The following RSRC1 variants were observed in gnomAD, a reference collection of about 807,000 sequenced individuals.
RSRC1 encodes arginine and serine rich coiled-coil 1.
Under a neutral mutation model 49.1 loss-of-function variants are expected in RSRC1, and 39 were observed. The ratio of observed to expected loss-of-function variants is 0.79; its 90% CI spans 0.61 to 1.04. The LOEUF (loss-of-function observed/expected upper bound fraction) is 1.04, where lower values mean the gene tolerates loss of function less well. Ranked by LOEUF, RSRC1 falls within the 50% of genes least tolerant of loss-of-function variation. The pLI, the probability that RSRC1 is intolerant of heterozygous loss-of-function variation, is 0.00. For missense variants in RSRC1, 388 were observed against 402.4 expected (o/e 0.96, Z 0.31); for synonymous variants, 143 against 130.8 (o/e 1.09, Z -0.63).
At chr3:158,153,960 C>T (rs541437413) in intron 3 of RSRC1, among the ~76,000 whole-genome samples, 1 of 152,108 alleles carries the variant, frequency 6.6e-6, no homozygotes, top group Non-Finnish European at 1.5e-5. Context: ...TATAGCTTTC[C>T]ATTCTTCTTT....
intron 5 of RSRC1, among the ~76,000 whole-genome samples, chr3:158,319,267 C>G (rs1266188744): frequency 6.6e-6 from 1 of 152,062 alleles, no homozygotes; most frequent in Non-Finnish European, 1.5e-5. Context: ...ATCATGAAAT[C>G]GGATAGTTTA....
chr3:158,439,729 G>A (rs1736272116), intron 6 of RSRC1, among the ~76,000 whole-genome samples: 1 of 152,002 alleles, frequency 6.6e-6, no homozygotes, highest in African/African-American at 2.4e-5. Flanking sequence ...TGAGTTGATG[G>A]GTGCAGCAAA....
chr3:158,191,272 T>G (rs1369429306), intron 3 of RSRC1, among the ~76,000 whole-genome samples: 1 of 152,094 alleles, frequency 6.6e-6, no homozygotes, highest in Non-Finnish European at 1.5e-5. Context: ...GTTCAAAATG[T>G]CATCCTGACA....
At position 158,521,017 on chromosome 3, in the gene RSRC1, G is replaced by C. The variant is rs551196900; in HGVS notation, c.653-16075G>C. Among the ~76,000 whole-genome samples, 191 of 152,178 alleles carry C rather than the reference G, an allele frequency of 1.3e-3. 1 individual carries two copies. The highest frequency in any genetic ancestry group is 4.5e-3 in the African/African-American group (185 of 41,526). ...GGTAAACATACCTAAGAGGTTTGCA[G>C]ATTTCTCCATCTGTATGGATTAATA... On this transcript the variant is annotated intron_variant, in intron 7 of 9. Coordinates refer to ENST00000611884, the MANE Select transcript of RSRC1 (RefSeq NM_001271838.2).
intron 7 of RSRC1, among the ~76,000 whole-genome samples, chr3:158,512,709 A>G (rs1740260423): frequency 6.6e-6 from 1 of 150,550 alleles, no homozygotes; most frequent in Admixed American, 6.6e-5. Flanking sequence ...CTTGGGCAGT[A>G]TGGCCATTTT....
chr3:158,422,167 T>C (rs1331740336), intron 6 of RSRC1, among the ~76,000 whole-genome samples: 1 of 150,834 alleles, frequency 6.6e-6, no homozygotes, highest in Non-Finnish European at 1.5e-5. Context: ...GCTGGTGCGC[T>C]GCACCCACTA....
intron 3 of RSRC1, among the ~76,000 whole-genome samples, chr3:158,163,752 T>C (rs1718375312): frequency 9.8e-6 from 1 of 101,586 alleles, no homozygotes; most frequent in Admixed American, 1.0e-4. Flanking sequence ...TGCTACCCTT[T>C]ATAGCAATTT....
intron 4 of RSRC1, among the ~76,000 whole-genome samples, chr3:158,293,239 A>G (rs1247080997): frequency 1.3e-5 from 2 of 152,106 alleles, no homozygotes; most frequent in African/African-American, 4.8e-5. Flanking sequence ...ACTCTCATAT[A>G]TGTATATATT....
intron 3 of RSRC1, among the ~76,000 whole-genome samples, chr3:158,159,038 C>T (rs531223497): frequency 3.3e-5 from 5 of 152,094 alleles, no homozygotes; most frequent in African/African-American, 9.6e-5. Context: ...TCTTATTTCC[C>T]AACCAAGAAT....
chr3:158,491,914 AT>A (rs1259936341), intron 7 of RSRC1, among the ~76,000 whole-genome samples: 1 of 152,108 alleles, frequency 6.6e-6, no homozygotes, highest in African/African-American at 2.4e-5. Flanking sequence ...TCTCAGTAGC[AT>A]TTTTTATGAG....
intron 6 of RSRC1, among the ~76,000 whole-genome samples, chr3:158,387,938 T>C (rs540640441): frequency 2.0e-5 from 3 of 152,266 alleles, no homozygotes; most frequent in African/African-American, 7.2e-5. Flanking sequence ...AAAATAGACA[T>C]GGTGATAACA....
chr3:158,489,055 A>G (rs940589322), intron 7 of RSRC1, among the ~76,000 whole-genome samples: 1 of 152,192 alleles, frequency 6.6e-6, no homozygotes, highest in African/African-American at 2.4e-5. Context: ...GAAACACGCT[A>G]AGTTTTAAGA....
At chr3:158,379,899 CTAGT>C (rs1732610401) in intron 6 of RSRC1, among the ~76,000 whole-genome samples, 1 of 151,792 alleles carries the variant, frequency 6.6e-6, no homozygotes, top group Admixed American at 6.6e-5. Context: ...GTTTCCATCT[CTAGT>C]TAATTTTTTT....
At chr3:158,413,388 A>G (rs1005967671) in intron 6 of RSRC1, among the ~76,000 whole-genome samples, 1 of 152,200 alleles carries the variant, frequency 6.6e-6, no homozygotes, top group African/African-American at 2.4e-5. Context: ...TAAAAACCCT[A>G]GAAGAAAATC....
intron 3 of RSRC1, among the ~76,000 whole-genome samples, chr3:158,175,803 G>T (rs1299398957): frequency 6.6e-6 from 1 of 152,052 alleles, no homozygotes; most frequent in Non-Finnish European, 1.5e-5. Context: ...TGGAGGCTTT[G>T]TTCATTTCTT....
chr3:158,287,119 C>T (rs983881427), intron 4 of RSRC1, among the ~76,000 whole-genome samples: 2 of 152,160 alleles, frequency 1.3e-5, no homozygotes, highest in African/African-American at 4.8e-5. Flanking sequence ...AGTCACTGCG[C>T]CTAGCCTTTT....
Position 158,518,124 on chromosome 3 carries a change from GTGTATA to G in RSRC1, c.653-18966_653-18961del, listed in dbSNP as rs1471911789. 4.3e-3 allele frequency among the ~76,000 whole-genome samples: 227 copies of G among 53,118 alleles called. 2 individuals carry two copies. Among genetic ancestry groups the G allele is most frequent in the African/African-American group, 0.015 (208 of 13,436 alleles). The allele number at this position is 53,118 out of a possible 152,430, so 34.8% of individuals were successfully genotyped here. The stretch of plus-strand genomic sequence containing the variant: ...TGTGTGTGTGTGTGTGTGTGTGTGT[GTGTATA>G]TATATATATATATATATATTTTTTT... On this transcript the variant is annotated intron_variant, in intron 7 of 9. Transcript: ENST00000611884.
chr3:158,437,061 G>A (rs1208423156), intron 6 of RSRC1, among the ~76,000 whole-genome samples: 1 of 151,432 alleles, frequency 6.6e-6, no homozygotes, highest in East Asian at 2.0e-4. Flanking sequence ...TAATTCTATA[G>A]AAGAGGCCAT....
intron 6 of RSRC1, among the ~76,000 whole-genome samples, chr3:158,416,583 A>G (rs1166083771): frequency 6.6e-6 from 1 of 152,072 alleles, no homozygotes; most frequent in Non-Finnish European, 1.5e-5. Context: ...GCAAGGCTTC[A>G]GAGGAATCCA....
Sources: gnomAD v4.1 joint callset for allele counts (sites outside exome capture counted in the v4.1 genomes callset) on GRCh38, gnomAD v4.1.1 for gene constraint, MANE v1.5 for transcripts, NCBI Gene and HGNC (gene_info 2026-07-23, HGNC 2026-07-21) for gene names.